Variants in ABHD18 observed in about 807,000 individuals in gnomAD.
The protein encoded by ABHD18 is abhydrolase domain containing 18.
ABHD18 carries 55 observed loss-of-function variants against 65.9 expected under a neutral mutation model. The observed-to-expected ratio is 0.84, with a 90% CI of 0.67 to 1.05. The LOEUF is 1.05. Ranked by LOEUF, ABHD18 falls within the 50% of genes least tolerant of loss-of-function variation. The pLI is 0.00. For synonymous variants in ABHD18, 181 were observed against 180.2 expected (o/e 1.00, Z -0.04); for missense variants, 533 against 558.5 (o/e 0.95, Z 0.46).
Position 128,027,726 on chromosome 4 carries a change from T to G in ABHD18, c.802-749T>G, listed in dbSNP as rs1314421105. 2.0e-5 allele frequency among the ~76,000 whole-genome samples: 3 copies of G among 152,164 alleles called. No individual in the cohort carries two copies. The East Asian group carries it at 5.8e-4, about 29-fold the overall frequency. On this transcript the variant is annotated intron_variant, in intron 10 of 12. Coordinates refer to ENST00000645843, the MANE Select transcript of ABHD18 (RefSeq NM_001358451.3). ...GCCAGTAATTTTAAATTCTGGTTAG[T>G]TCAACCAGAGAAAGGGATTTGGAGA...
At chr4:128,021,532 T>C (rs1756499399) in intron 10 of ABHD18, among the ~76,000 whole-genome samples, 1 of 151,938 alleles carries the variant, frequency 6.6e-6, no homozygotes, top group Non-Finnish European at 1.5e-5. Context: ...TAGGTGCCTG[T>C]AATCCCAGCT....
At chr4:127,983,144 C>T in intron 2 of ABHD18, 97 bp downstream of exon 2, 1 of 738,412 alleles carries the variant, frequency 1.4e-6, no homozygotes, top group Non-Finnish European at 2.2e-6. Context: ...AAATACAGAG[C>T]AATTGTCCAG....
rs1266803172 is a variant in ABHD18, at chr4:128,014,713, A to C, written c.471-2650A>C. Among the ~76,000 whole-genome samples, 3 of 152,084 alleles carry C rather than the reference A, an allele frequency of 2.0e-5. No individual in the cohort carries two copies. In the East Asian group the frequency reaches 5.8e-4, roughly 29 times the overall value. On this transcript the variant is annotated intron_variant, in intron 7 of 12. Coordinates refer to ENST00000645843, the MANE Select transcript of ABHD18 (RefSeq NM_001358451.3). ...AAGGCTGAGATGGACAGATTGCATG[A>C]GTCCAGGAGTTCAAGACCAGCCTGT...
chr4:128,035,197 CTG>C (rs1471227682), intron 12 of ABHD18, among the ~76,000 whole-genome samples: 2 of 152,130 alleles, frequency 1.3e-5, no homozygotes, highest in Non-Finnish European at 2.9e-5. Flanking sequence ...ACATGTGCCT[CTG>C]TGTGCGTGCG....
chr4:127,975,862 G>T (rs1747813600), intron 1 of ABHD18, among the ~76,000 whole-genome samples: 1 of 152,008 alleles, frequency 6.6e-6, no homozygotes, highest in African/African-American at 2.4e-5. Flanking sequence ...ATCTTGCTCT[G>T]TCACCCAGGC....
At chr4:128,027,454 G>A (rs935781858) in intron 10 of ABHD18, among the ~76,000 whole-genome samples, 20 of 150,876 alleles carry the variant, frequency 1.3e-4, no homozygotes, top group Admixed American at 9.3e-4. Flanking sequence ...CGCCCAGGCT[G>A]AAGTGCAGTG....
rs760232599 is a variant in ABHD18 at position 128,036,380 on chromosome 4, CTTTTTCTTTTT to C, written c.*578_*588del. 9 of 151,640 alleles carry C rather than the reference CTTTTTCTTTTT, an allele frequency of 5.9e-5. No individual in the cohort carries two copies. Among genetic ancestry groups the C allele is most frequent in the Non-Finnish European group, 1.3e-4 (9 of 67,864 alleles). The allele number at this position is 151,640 out of a possible 1,614,324, so 9.4% of individuals were successfully genotyped here. On this transcript the variant is annotated 3_prime_UTR_variant, in exon 13 of 13. Coordinates refer to ENST00000645843, the MANE Select transcript of ABHD18 (RefSeq NM_001358451.3). The stretch of plus-strand genomic sequence containing the variant: ...GATAGCTTCATAGATAAGTGCTTTT[CTTTTTCTTTTT>C]TTTTTCTTTTAACATGTACCTCTAC...
chr4:127,974,700 A>G (rs1023996285), intron 1 of ABHD18, among the ~76,000 whole-genome samples: 3 of 151,844 alleles, frequency 2.0e-5, no homozygotes, highest in African/African-American at 7.2e-5. Flanking sequence ...ATAGTGAACT[A>G]CTTCTGGCTG....
chr4:128,014,000 T>G (rs1755039193), intron 7 of ABHD18, among the ~76,000 whole-genome samples: 1 of 144,580 alleles, frequency 6.9e-6, no homozygotes, highest in Admixed American at 7.3e-5. Context: ...TTTTTTTTTT[T>G]GAGATGGAGT....
rs1750637899 is a variant in ABHD18 at position 127,989,892 on chromosome 4, G to A, written c.278+71G>A. The A allele has an allele frequency of 5.3e-6, 5 of 948,326 alleles. 1 individual carries two copies. Among genetic ancestry groups the A allele is most frequent in the Non-Finnish European group, 7.6e-6 (5 of 658,646 alleles). The allele number at this position is 948,326 out of a possible 1,614,324, so 58.7% of individuals were successfully genotyped here. A position where few individuals can be genotyped will look rare whatever the true frequency, so the allele number is the denominator to read the frequency against. ...ATTAAAATTATAATATCAACACTATGTTATTTGAAATTAGGAGTAACAAGG... is the reference window on the plus strand; with the variant it reads ...ATTAAAATTATAATATCAACACTATATTATTTGAAATTAGGAGTAACAAGG... On this transcript the variant is annotated intron_variant, in intron 4 of 12. Coordinates refer to ENST00000645843, the MANE Select transcript of ABHD18 (RefSeq NM_001358451.3).
intron 12 of ABHD18, 23 bp from the exon 13 acceptor site, chr4:128,035,739 T>A (rs1047303373): frequency 1.4e-6 from 2 of 1,453,006 alleles, no homozygotes; most frequent in Admixed American, 4.3e-5. Context: ...TACTTAGAGT[T>A]TTTCTTTCAT....
intron 7 of ABHD18, 70 bp downstream of exon 7, chr4:128,011,770 C>A: frequency 1.7e-6 from 2 of 1,170,330 alleles, no homozygotes; most frequent in Non-Finnish European, 2.3e-6. Context: ...ATTTTGGTTG[C>A]CTTCAGTTAA....
chr4:128,008,261 C>CTTTTTT (rs1167728243), intron 4 of ABHD18, among the ~76,000 whole-genome samples: 6 of 97,772 alleles, frequency 6.1e-5, no homozygotes, highest in East Asian at 4.0e-4. Flanking sequence ...GACTCCGTTC[C>CTTTTTT]TTTTTTTTTT....
At chr4:128,012,063 T>G (rs1754675515) in intron 7 of ABHD18, among the ~76,000 whole-genome samples, 1 of 151,540 alleles carries the variant, frequency 6.6e-6, no homozygotes, top group African/African-American at 2.4e-5. Context: ...CTGGAACCTC[T>G]GCCTCCTGGG....
Position 128,028,454 on chromosome 4 carries a change from TCTTTC to T in ABHD18, c.802-15_802-11del, listed in dbSNP as rs1757700065. The T allele has an allele frequency of 1.4e-6, 2 of 1,449,750 alleles. No individual in the cohort carries two copies. The highest frequency in any genetic ancestry group is 1.8e-6 in the Non-Finnish European group (2 of 1,102,224). The allele number at this position is 1,449,750 out of a possible 1,614,324, so 89.8% of individuals were successfully genotyped here. A position where few individuals can be genotyped will look rare whatever the true frequency, so the allele number is the denominator to read the frequency against. On this transcript the variant is annotated splice_polypyrimidine_tract_variant and intron_variant, in intron 10 of 12. Transcript: ENST00000645843. Reference sequence around the variant, plus strand: ...CCCTATTTTATATTAAATAATGTTTTCTTTCCTTTCATATGTTCAGACAGATTCTT... The same window carrying T: ...CCCTATTTTATATTAAATAATGTTTTCTTTCATATGTTCAGACAGATTCTT...
At chr4:127,965,635 G>T in intron 1 of ABHD18, 29 bp downstream of exon 1, 1 of 207,526 alleles carries the variant, frequency 4.8e-6, no homozygotes, top group South Asian at 6.5e-5. Context: ...TAAGTAGTAG[G>T]TGCGCTAAGA....
chr4:128,031,856 T>C (rs1396408626), intron 12 of ABHD18, among the ~76,000 whole-genome samples: 1 of 152,214 alleles, frequency 6.6e-6, no homozygotes, highest in Non-Finnish European at 1.5e-5. Flanking sequence ...GAGTCCCTAT[T>C]GGTGAGTGAG....
chr4:128,028,984 T>G lies in ABHD18; in HGVS notation c.1180+131T>G, dbSNP rs1757793111. On this transcript the variant is annotated intron_variant, in intron 11 of 12. Coordinates refer to ENST00000645843, the MANE Select transcript of ABHD18 (RefSeq NM_001358451.3). ...TTTTTTGTTGGCTCCAGAATATGTTTGCAAAGATAAGTTGGTTACTTAAAT... is the reference window on the plus strand; with the variant it reads ...TTTTTTGTTGGCTCCAGAATATGTTGGCAAAGATAAGTTGGTTACTTAAAT... The G allele has an allele frequency of 4.3e-6, 3 of 690,866 alleles. No individual in the cohort carries two copies. In the South Asian group the frequency reaches 7.9e-5, roughly 18 times the overall value. The allele number at this position is 690,866 out of a possible 1,614,324, so 42.8% of individuals were successfully genotyped here.
intron 4 of ABHD18, among the ~76,000 whole-genome samples, chr4:128,002,197 C>A (rs1024733328): frequency 1.3e-5 from 2 of 151,950 alleles, no homozygotes; most frequent in Non-Finnish European, 2.9e-5. Context: ...ATCACTTGAA[C>A]CCGGGAGATG....
Sources: allele counts gnomAD v4.1 joint callset (sites outside exome capture counted in the v4.1 genomes callset), GRCh38; gene constraint gnomAD v4.1.1; transcripts MANE v1.5; gene names NCBI Gene and HGNC (gene_info 2026-07-23, HGNC 2026-07-21).